SLC8A3: variants seen among roughly 807,000 people sequenced by gnomAD.
SLC8A3 encodes the protein sodium/calcium exchanger 3.
In SLC8A3, 37 loss-of-function variants were observed where a neutral mutation model predicts 65.4. That is an observed-to-expected ratio of 0.57 (90% CI 0.44 to 0.74). The LOEUF is 0.74. Among genes scored for constraint, SLC8A3 ranks in the 30% least tolerant of loss-of-function variants. The pLI is 0.00. For synonymous variants in SLC8A3, 461 were observed against 444.5 expected (o/e 1.04, Z -0.47); for missense variants, 1,112 against 1,172.1 (o/e 0.95, Z 0.75).
chr14:70,148,555 G>A (rs979191462), intron 2 of SLC8A3, among the ~76,000 whole-genome samples: 2 of 152,164 alleles, frequency 1.3e-5, no homozygotes, highest in Non-Finnish European at 2.9e-5. Context: ...TAAAAACATG[G>A]GGGTGTGAGC....
chr14:70,049,080 A>G (rs753715780), intron 5 of SLC8A3, 38 bp from the exon 6 acceptor site: 1 of 1,563,046 alleles, frequency 6.4e-7, no homozygotes, highest in Admixed American at 1.8e-5. Context: ...ACGGGTAACG[A>G]AGTCAGATAA....
chr14:70,177,643 T>C (rs1334266717), intron 1 of SLC8A3, among the ~76,000 whole-genome samples: 2 of 152,170 alleles, frequency 1.3e-5, no homozygotes, highest in African/African-American at 4.8e-5. Flanking sequence ...ACAAGCAGCG[T>C]CTGTTTCCAG....
At chr14:70,090,990 G>A (rs1432943267) in intron 2 of SLC8A3, among the ~76,000 whole-genome samples, 1 of 152,208 alleles carries the variant, frequency 6.6e-6, no homozygotes, top group African/African-American at 2.4e-5. Flanking sequence ...AAGGTCCATG[G>A]AGTGCCAGTT....
In SLC8A3 at chr14:70,167,267, C is replaced by A. The variant is rs769133132; in HGVS notation, c.1156G>T (p.Val386Leu). 2 of 1,614,176 alleles carry A rather than the reference C, an allele frequency of 1.2e-6. No homozygotes were observed. The highest frequency in any genetic ancestry group is 8.5e-7 in the Non-Finnish European group (1 of 1,180,040). ...QAKKASSMSE[V>L]HTDEPEDFIS... The stretch of plus-strand genomic sequence containing the variant: ...AAGTCCTCAGGCTCATCGGTGTGCA[C>A]CTCGCTCATGCTGGAGGCCTTCTTG... The change falls in exon 2 of 7, where the codon GTG (valine) becomes TTG (leucine). Residue 386 changes from valine to leucine, a missense_variant. Coordinates refer to ENST00000356921, the MANE Select transcript of SLC8A3 (RefSeq NM_182932.3).
intron 2 of SLC8A3, among the ~76,000 whole-genome samples, chr14:70,086,613 AG>A (rs1251439754): frequency 6.6e-6 from 1 of 152,064 alleles, no homozygotes; most frequent in Non-Finnish European, 1.5e-5. Flanking sequence ...CATGTTGGCC[AG>A]GCTGGTCTCG....
At chr14:70,060,336 A>G (rs1888643719) in intron 3 of SLC8A3, 1 of 265,520 alleles carries the variant, frequency 3.8e-6, no homozygotes, top group Middle Eastern at 1.4e-3. Context: ...CCCACATTCA[A>G]TCCAGGCTAA....
At chr14:70,133,471 G>T (rs1421768981) in intron 2 of SLC8A3, among the ~76,000 whole-genome samples, 1 of 152,152 alleles carries the variant, frequency 6.6e-6, no homozygotes, top group Non-Finnish European at 1.5e-5. Context: ...ATACTCTTGG[G>T]GGGTAATATC....
At chr14:70,109,852 C>A (rs1324618494) in intron 2 of SLC8A3, among the ~76,000 whole-genome samples, 1 of 152,120 alleles carries the variant, frequency 6.6e-6, no homozygotes, top group East Asian at 1.9e-4. Context: ...TCTATAATAT[C>A]ATGGACAAAT....
chr14:70,099,828 G>A (rs1197916760), intron 2 of SLC8A3, among the ~76,000 whole-genome samples: 3 of 152,158 alleles, frequency 2.0e-5, no homozygotes, highest in Admixed American at 6.5e-5. Context: ...GCCACAAGTC[G>A]TTTAAAAAGC....
chr14:70,172,828 T>TGG (rs1417884671), intron 1 of SLC8A3, among the ~76,000 whole-genome samples: 1 of 152,096 alleles, frequency 6.6e-6, no homozygotes, highest in Non-Finnish European at 1.5e-5. Flanking sequence ...TGAGCCAGCC[T>TGG]GGGGATTCAG....
chr14:70,070,360 A>G (rs753758551), intron 2 of SLC8A3, among the ~76,000 whole-genome samples: 1 of 152,176 alleles, frequency 6.6e-6, no homozygotes, highest in Non-Finnish European at 1.5e-5. Flanking sequence ...ATAATAACCT[A>G]TGAGGTAGGT....
Position 70,048,840 on chromosome 14 carries a change from G to A in SLC8A3, c.2316C>T (p.His772=). 4 of 1,614,170 alleles carry A rather than the reference G, an allele frequency of 2.5e-6. No individual in the cohort carries two copies. The highest frequency in any genetic ancestry group is 3.4e-6 in the Non-Finnish European group (4 of 1,180,024). Residue 772 remains histidine, a synonymous_variant, in exon 6 of 7, where the codon CAC becomes CAT. Coordinates refer to ENST00000356921, the MANE Select transcript of SLC8A3 (RefSeq NM_182932.3). ...LTAIIGDLAS[H]FGCTIGLKDS... Reference sequence around the variant, plus strand: ...CTTTGAGACCAATGGTGCAGCCGAAGTGCGAGGCCAGGTCCCCAATGATGG... The same window carrying A: ...CTTTGAGACCAATGGTGCAGCCGAAATGCGAGGCCAGGTCCCCAATGATGG...
At chr14:70,078,703 C>G (rs891323671) in intron 2 of SLC8A3, among the ~76,000 whole-genome samples, 1 of 152,152 alleles carries the variant, frequency 6.6e-6, no homozygotes, top group African/African-American at 2.4e-5. Context: ...GTCAGTGATA[C>G]CAAAGGCTGT....
At position 70,188,816 on chromosome 14, in the gene SLC8A3, A is replaced by G. The variant is rs1883578919; in HGVS notation, c.-500T>C. On this transcript the variant is annotated 5_prime_UTR_variant, in exon 1 of 7. Transcript: ENST00000356921. ...AGCCCGGCGCGCCCTGGCGGCTCCGAGGGACCTGGGCTCGGGCTTGCGGTC... is the reference window on the plus strand; with the variant it reads ...AGCCCGGCGCGCCCTGGCGGCTCCGGGGGACCTGGGCTCGGGCTTGCGGTC... 6.6e-6 allele frequency: 1 copy of G among 151,920 alleles called. No individual in the cohort carries two copies. The highest frequency in any genetic ancestry group is 1.5e-5 in the Non-Finnish European group (1 of 67,954). 9.4% of individuals were successfully genotyped at this position (151,920 alleles called of 1,614,324 possible).
At chr14:70,126,567 C>G (rs886869844) in intron 2 of SLC8A3, among the ~76,000 whole-genome samples, 1 of 106,990 alleles carries the variant, frequency 9.3e-6, no homozygotes, top group African/African-American at 3.7e-5. Context: ...CTCTCTCTCT[C>G]TCTCACACAC....
chr14:70,115,957 C>G (rs1033033390), intron 2 of SLC8A3, among the ~76,000 whole-genome samples: 1 of 152,170 alleles, frequency 6.6e-6, no homozygotes, highest in African/African-American at 2.4e-5. Context: ...ATCTCCCAGA[C>G]CGTCCCTCCC....
intron 2 of SLC8A3, among the ~76,000 whole-genome samples, chr14:70,092,691 C>T (rs1891886369): frequency 6.6e-6 from 1 of 152,138 alleles, no homozygotes. Context: ...GGTCTGAGTG[C>T]TGCTGGTAGT....
At chr14:70,059,452 G>A (rs1048572570) in intron 3 of SLC8A3, 2 of 152,176 alleles carry the variant, frequency 1.3e-5, no homozygotes, top group Non-Finnish European at 2.9e-5. Flanking sequence ...CTGAATGGGA[G>A]TGTGAACGTC....
At chr14:70,180,434 T>A (rs1346322056) in intron 1 of SLC8A3, among the ~76,000 whole-genome samples, 1 of 152,160 alleles carries the variant, frequency 6.6e-6, no homozygotes, top group Non-Finnish European at 1.5e-5. Context: ...AAGGGGGTGC[T>A]AGGAGCAGAT....
Sources: gnomAD v4.1 joint callset for allele counts (sites outside exome capture counted in the v4.1 genomes callset) on GRCh38, gnomAD v4.1.1 for gene constraint, MANE v1.5 for transcripts, NCBI Gene and HGNC (gene_info 2026-07-23, HGNC 2026-07-21) for gene names.